DCAF12: variants seen among roughly 807,000 people sequenced by gnomAD.
DCAF12 encodes the protein DDB1- and CUL4-associated factor 12.
A neutral mutation model predicts 52.8 loss-of-function variants in DCAF12; 28 were observed. The observed-to-expected ratio is 0.53, with a 90% CI of 0.39 to 0.73. DCAF12 has a LOEUF of 0.73. Ranked by LOEUF, DCAF12 falls within the 30% of genes least tolerant of loss-of-function variation. DCAF12 has a pLI of 0.00. For synonymous variants in DCAF12, 196 were observed against 215.5 expected (o/e 0.91, Z 0.79); for missense variants, 425 against 552.2 (o/e 0.77, Z 2.31).
chr9:34,124,804 G>A (rs1829221894), intron 2 of DCAF12, among the ~76,000 whole-genome samples: 1 of 152,154 alleles, frequency 6.6e-6, no homozygotes, highest in Non-Finnish European at 1.5e-5. Flanking sequence ...GAGAGGGCCT[G>A]AAGAAATACA....
chr9:34,112,486 CG>C (rs1156345423), intron 2 of DCAF12, among the ~76,000 whole-genome samples: 1 of 151,632 alleles, frequency 6.6e-6, no homozygotes. Context: ...CCTGGCTACT[CG>C]GGAGGCTGAG....
At position 34,098,306 on chromosome 9, in the gene DCAF12, C is replaced by T; in HGVS notation, c.795+18G>A. ...AGCAAGAGGAATACACGTCAGGGAT[C>T]CCTACACAAGTTCATACCTTGTTCT... On this transcript the variant is annotated intron_variant, in intron 5 of 8. Transcript: ENST00000361264. 6.2e-7 allele frequency: 1 copy of T among 1,608,968 alleles called. No homozygotes were observed.
intron 2 of DCAF12, among the ~76,000 whole-genome samples, chr9:34,110,992 T>G (rs573928884): frequency 1.5e-4 from 23 of 150,322 alleles, no homozygotes; most frequent in African/African-American, 5.1e-4. Flanking sequence ...TCTGTTTTTT[T>G]TTTTTTTTTT....
intron 2 of DCAF12, among the ~76,000 whole-genome samples, chr9:34,121,141 G>A (rs141445025): frequency 7.9e-5 from 12 of 152,154 alleles, no homozygotes; most frequent in African/African-American, 2.4e-4. Context: ...GCAACAGAGC[G>A]AGACTCCATC....
intron 5 of DCAF12, 114 bp downstream of exon 5, chr9:34,098,210 G>A: frequency 1.8e-6 from 2 of 1,142,142 alleles, no homozygotes; most frequent in Non-Finnish European, 2.5e-6. Flanking sequence ...GAGGTGTTCT[G>A]TGGGCTCAGA....
At chr9:34,106,593 A>G in intron 3 of DCAF12, 99 bp from the exon 4 acceptor site, 1 of 1,011,136 alleles carries the variant, frequency 9.9e-7, no homozygotes, top group Non-Finnish European at 1.5e-6. Context: ...AGTCAGACTG[A>G]AAATATTTTT....
intron 2 of DCAF12, among the ~76,000 whole-genome samples, chr9:34,112,586 T>A (rs1829021491): frequency 6.7e-6 from 1 of 148,630 alleles, no homozygotes; most frequent in South Asian, 2.1e-4. Flanking sequence ...AGAGTGAGAA[T>A]CCATCTCAAA....
At chr9:34,119,703 T>C (rs1217885962) in intron 2 of DCAF12, among the ~76,000 whole-genome samples, 1 of 22,768 alleles carries the variant, frequency 4.4e-5, no homozygotes, top group East Asian at 4.4e-4. Flanking sequence ...ACTTTTGCGG[T>C]TTTTTTTTTT....
At chr9:34,102,566 T>C (rs187521618) in intron 4 of DCAF12, among the ~76,000 whole-genome samples, 50 of 151,968 alleles carry the variant, frequency 3.3e-4, no homozygotes, top group Non-Finnish European at 5.2e-4. Context: ...GGCAGGAGAA[T>C]TGCTTGAACC....
chr9:34,094,712 A>G (rs1236792115), intron 6 of DCAF12, among the ~76,000 whole-genome samples: 1 of 151,638 alleles, frequency 6.6e-6, no homozygotes, highest in East Asian at 2.0e-4. Flanking sequence ...TTGTATTTTT[A>G]GTAGAGACGG....
intron 7 of DCAF12, among the ~76,000 whole-genome samples, chr9:34,093,033 C>T (rs532562103): frequency 1.3e-4 from 20 of 152,306 alleles, no homozygotes; most frequent in Admixed American, 8.5e-4. Context: ...TTAGTAGAGA[C>T]GGGGTTTCTC....
rs1233707846 is a variant in DCAF12, at chr9:34,089,489, T to G, written c.1126A>C (p.Arg376=). Residue 376 remains arginine (R), a synonymous_variant, in exon 8 of 9, where the codon AGG becomes CGG. Transcript: ENST00000361264. ...DIRAQRFLEE[R]LSACYGSKPR... is the part of the protein sequence containing the mutation. The stretch of plus-strand genomic sequence containing the variant: ...TTGGACCCATAACAAGCTGAGAGCC[T>G]CTCTTCCAGAAATCTCTGAGCTCGG... 3 of 1,614,148 alleles carry G rather than the reference T, an allele frequency of 1.9e-6. No individual in the cohort carries two copies. The highest frequency in any genetic ancestry group is 3.3e-5 in the Admixed American group (2 of 59,994).
At chr9:34,120,443 G>A (rs1829154110) in intron 2 of DCAF12, among the ~76,000 whole-genome samples, 1 of 151,646 alleles carries the variant, frequency 6.6e-6, no homozygotes, top group African/African-American at 2.4e-5. Context: ...GGCTGAGGCG[G>A]GCAGATTACA....
intron 2 of DCAF12, 128 bp downstream of exon 2, chr9:34,124,895 G>A (rs1367238135): frequency 8.3e-7 from 1 of 1,202,452 alleles, no homozygotes; most frequent in Non-Finnish European, 1.2e-6. Context: ...CAACGGGAAA[G>A]AATGGAAAGG....
intron 2 of DCAF12, chr9:34,109,706 G>T: frequency 5.0e-6 from 1 of 200,610 alleles, no homozygotes; most frequent in South Asian, 8.2e-5. Flanking sequence ...TGCAAGCGGG[G>T]GAATAGGACC....
intron 7 of DCAF12, among the ~76,000 whole-genome samples, chr9:34,091,596 C>T (rs555384547): frequency 7.0e-6 from 1 of 143,536 alleles, no homozygotes; most frequent in Admixed American, 7.3e-5. Context: ...TGAGATTGCA[C>T]CACTTTCCTC....
intron 4 of DCAF12, 79 bp from the exon 5 acceptor site, chr9:34,098,596 C>T (rs2131429644): frequency 2.8e-6 from 4 of 1,452,166 alleles, no homozygotes; most frequent in Non-Finnish European, 2.8e-6. Context: ...AGAGGGCTTT[C>T]ATAGTCTAGC....
intron 2 of DCAF12, among the ~76,000 whole-genome samples, chr9:34,124,362 G>A (rs143751612): frequency 3.5e-4 from 54 of 152,244 alleles, no homozygotes; most frequent in African/African-American, 1.3e-3. Flanking sequence ...TCTGCTCTTT[G>A]ACTTATTTTA....
At chr9:34,093,585 C>T in intron 6 of DCAF12, 137 bp from the exon 7 acceptor site, 1 of 862,394 alleles carries the variant, frequency 1.2e-6, no homozygotes. Flanking sequence ...AGAAATAACA[C>T]TCTGTTCCAC....
Sources: gnomAD v4.1 joint callset for allele counts (sites outside exome capture counted in the v4.1 genomes callset) on GRCh38, gnomAD v4.1.1 for gene constraint, MANE v1.5 for transcripts, NCBI Gene and HGNC (gene_info 2026-07-23, HGNC 2026-07-21) for gene names.